The following IL18RAP variants were observed in gnomAD, a reference collection of about 807,000 sequenced individuals.
IL18RAP encodes interleukin-18 receptor accessory protein.
Under a neutral mutation model 58.1 loss-of-function variants are expected in IL18RAP, and 37 were observed. The ratio of observed to expected loss-of-function variants is 0.64; its 90% confidence interval spans 0.49 to 0.84. The LOEUF (loss-of-function observed/expected upper bound fraction) is 0.84, where lower values mean the gene tolerates loss of function less well. Among genes scored for constraint, IL18RAP ranks in the 40% least tolerant of loss-of-function variants. The probability of loss-of-function intolerance (pLI) is 0.00; values close to 1 mark genes in which losing one functional copy is unlikely to be tolerated. For synonymous variants in IL18RAP, 268 were observed against 257.5 expected, an observed-to-expected ratio of 1.04 and a Z score of -0.39; for missense variants, 667 against 704.8, an observed-to-expected ratio of 0.95 and a Z score of 0.61.
At chr2:102,436,515 T>C (rs1029776599) in intron 3 of IL18RAP, among the ~76,000 whole-genome samples, 2 of 152,246 alleles carry the variant, frequency 1.3e-5, no homozygotes, top group South Asian at 2.1e-4. Flanking sequence ...AAATTCCTTC[T>C]TGGACCACAG....
At chr2:102,436,843 A>G (rs1273264258) in intron 3 of IL18RAP, among the ~76,000 whole-genome samples, 2 of 85,026 alleles carry the variant, frequency 2.4e-5, no homozygotes, top group Non-Finnish European at 5.7e-5. Context: ...GTATGTATAC[A>G]CACACACATT....
At chr2:102,450,796 G>C (rs1683713798) in intron 8 of IL18RAP, 52 bp from the exon 9 acceptor site, 1 of 1,230,728 alleles carries the variant, frequency 8.1e-7, no homozygotes, top group Non-Finnish European at 1.1e-6. Flanking sequence ...TACCATAACA[G>C]TAAAAAAAAG....
intron 8 of IL18RAP, among the ~76,000 whole-genome samples, chr2:102,448,191 C>T (rs1048720569): frequency 1.1e-4 from 16 of 152,168 alleles, no homozygotes; most frequent in African/African-American, 3.9e-4. Flanking sequence ...GACAGGAAGT[C>T]ATGTGCCTAC....
rs1011228285 is a variant in IL18RAP at position 102,437,200 on chromosome 2, C to G, written c.580-12C>G. The G allele has an allele frequency of 4.4e-6, 7 of 1,596,916 alleles. No homozygotes were observed. Among genetic ancestry groups the G allele is most frequent in the Non-Finnish European group, 6.0e-6 (7 of 1,173,416 alleles). ...TGGCAAATTTATCTGCTTAAAATATCTTTTGGATTAGAATGGAAAACTCCT... is the reference window on the plus strand; with the variant it reads ...TGGCAAATTTATCTGCTTAAAATATGTTTTGGATTAGAATGGAAAACTCCT... On this transcript the variant is annotated splice_polypyrimidine_tract_variant and intron_variant, in intron 3 of 9. Coordinates refer to ENST00000687160, the MANE Select transcript of IL18RAP (RefSeq NM_001393487.1).
rs767210287 is a variant in IL18RAP at position 102,424,218 on chromosome 2, G to C, written c.396-13G>C. ...AAAATATCTATGTTCACAGGATCTT[G>C]TTAATTTCCTAGGAGCCCCTATGAT... On this transcript the variant is annotated splice_polypyrimidine_tract_variant and intron_variant, in intron 2 of 9. Transcript: ENST00000687160. 1.2e-6 allele frequency: 2 copies of C among 1,613,100 alleles called. No individual in the cohort carries two copies. Among genetic ancestry groups the C allele is most frequent in the Non-Finnish European group, 1.7e-6 (2 of 1,179,520 alleles).
chr2:102,445,064 C>T, intron 6 of IL18RAP, 125 bp from the exon 7 acceptor site: 1 of 722,150 alleles, frequency 1.4e-6, no homozygotes, highest in Non-Finnish European at 2.3e-6. Flanking sequence ...CTCGTGGTAT[C>T]TTATACTATT....
chr2:102,430,376 C>T (rs2104317898), intron 3 of IL18RAP, among the ~76,000 whole-genome samples: 1 of 151,954 alleles, frequency 6.6e-6, no homozygotes, highest in East Asian at 1.9e-4. Context: ...GTAGAGCTAT[C>T]CCTGCTCTCT....
rs749503776 is a variant in IL18RAP at position 102,441,364 on chromosome 2, G to A, written c.783G>A (p.Leu261=). 6.2e-7 allele frequency: 1 copy of A among 1,613,062 alleles called. No homozygotes were observed. Among genetic ancestry groups the A allele is most frequent in the South Asian group, 1.1e-5 (1 of 91,060 alleles). ...TTCTGGATCCTGTCGAGGACACACT[G>A]GAAGTAGAACTTGGTAAGCTGGGCC... is the stretch of plus-strand genomic sequence containing the variant. ...PDILDPVEDT[L]EVELGKPLTI... Residue 261 remains leucine, a synonymous_variant, in exon 5 of 10, where the codon CTG becomes CTA. Coordinates refer to ENST00000687160, the MANE Select transcript of IL18RAP (RefSeq NM_001393487.1).
At chr2:102,450,778 T>C (rs552609698) in intron 8 of IL18RAP, 70 bp from the exon 9 acceptor site, 53 of 855,672 alleles carry the variant, frequency 6.2e-5, no homozygotes, top group Admixed American at 2.6e-4. Context: ...TTCAAGCATA[T>C]GTATGTGTAC....
At chr2:102,429,073 C>A (rs898693102) in intron 3 of IL18RAP, among the ~76,000 whole-genome samples, 1 of 151,832 alleles carries the variant, frequency 6.6e-6, no homozygotes, top group East Asian at 1.9e-4. Flanking sequence ...GTGAATGATT[C>A]TTTTAATGTA....
At chr2:102,446,795 CAAA>C (rs749884501) in intron 7 of IL18RAP, among the ~76,000 whole-genome samples, 4 of 119,700 alleles carry the variant, frequency 3.3e-5, no homozygotes, top group Admixed American at 9.0e-5. Flanking sequence ...ACTCCGTCTC[CAAA>C]AAAAAAAAAA....
chr2:102,419,038 A>G (rs1681414705), upstream of IL18RAP: 2 of 152,370 alleles, frequency 1.3e-5, no homozygotes, highest in Admixed American at 6.5e-5. Context: ...AGTTGCTAAT[A>G]CAATTACTTT....
In IL18RAP at chr2:102,443,237, C is replaced by T. The variant is rs776733560; in HGVS notation, c.834C>T (p.Gly278=). ...PLTISCKARF[G]FERVFNPVIK... ...CTATTAGCTGCAAAGCACGATTTGGCTTTGAAAGGGTCTTTAACCCTGTCA... is the reference window on the plus strand; with the variant it reads ...CTATTAGCTGCAAAGCACGATTTGGTTTTGAAAGGGTCTTTAACCCTGTCA... The change falls in exon 6 of 10, where the codon GGC becomes GGT. Residue 278 remains glycine (G), a synonymous_variant. Coordinates refer to ENST00000687160, the MANE Select transcript of IL18RAP (RefSeq NM_001393487.1). 3.6e-5 allele frequency: 58 copies of T among 1,613,586 alleles called. No individual in the cohort carries two copies. The East Asian group carries it at 5.1e-4, about 14-fold the overall frequency.
intron 8 of IL18RAP, among the ~76,000 whole-genome samples, chr2:102,447,691 T>A (rs893332965): frequency 3.3e-5 from 5 of 149,592 alleles, no homozygotes; most frequent in Non-Finnish European, 5.9e-5. Context: ...TAAGACACAT[T>A]TAGTATTCAT....
rs1683224357 is a variant in IL18RAP at position 102,443,404 on chromosome 2, T to A, written c.920+81T>A. 7.3e-6 allele frequency: 11 copies of A among 1,502,602 alleles called. No individual in the cohort carries two copies. The South Asian group carries it at 1.2e-4, about 17-fold the overall frequency. The allele number at this position is 1,502,602 out of a possible 1,614,324, so 93.1% of individuals were successfully genotyped here. ...CTTTAGAAATGCCTAAAGTATACAG[T>A]TGATGGTGTAGCCACCAGCACCGAC... On this transcript the variant is annotated intron_variant, in intron 6 of 9. Coordinates refer to ENST00000687160, the MANE Select transcript of IL18RAP (RefSeq NM_001393487.1).
In IL18RAP at chr2:102,443,077, C is replaced by A. The variant is rs1034377202; in HGVS notation, c.797-123C>A. 3.2e-5 allele frequency: 28 copies of A among 862,392 alleles called. No individual in the cohort carries two copies. In the East Asian group the frequency reaches 7.0e-4, roughly 22 times the overall value. The allele number at this position is 862,392 out of a possible 1,614,324, so 53.4% of individuals were successfully genotyped here. ...TAGACGTTTCATTATTTCTGGCACA[C>A]ATATTCTACCTGCAAACCTGATTGC... On this transcript the variant is annotated intron_variant, in intron 5 of 9. Coordinates refer to ENST00000687160, the MANE Select transcript of IL18RAP (RefSeq NM_001393487.1).
intron 4 of IL18RAP, chr2:102,439,832 G>A (rs545935105): frequency 2.0e-5 from 3 of 152,342 alleles, no homozygotes; most frequent in Admixed American, 1.3e-4. Context: ...GGACAAGCCA[G>A]TCTGGAGAAG....
chr2:102,441,003 TGGGAAAAGACA>T (rs1260971090), intron 4 of IL18RAP, among the ~76,000 whole-genome samples: 4 of 152,120 alleles, frequency 2.6e-5, no homozygotes, highest in African/African-American at 9.7e-5. Context: ...AGAAATCTTG[TGGGAAAAGACA>T]GGGATAGGAG....
chr2:102,430,831 C>T (rs997636605), intron 3 of IL18RAP, among the ~76,000 whole-genome samples: 1 of 152,068 alleles, frequency 6.6e-6, no homozygotes, highest in Non-Finnish European at 1.5e-5. Context: ...TCATTTCCTC[C>T]CCGCTACCTT....
Sources: allele counts gnomAD v4.1 joint callset (sites outside exome capture counted in the v4.1 genomes callset), GRCh38; gene constraint gnomAD v4.1.1; transcripts MANE v1.5; gene names NCBI Gene and HGNC (gene_info 2026-07-23, HGNC 2026-07-21).